TIAM2: variants seen among roughly 807,000 people sequenced by gnomAD.
The protein encoded by TIAM2 is rho guanine nucleotide exchange factor TIAM2.
In TIAM2, 80 loss-of-function variants were observed where a neutral mutation model predicts 152.9. The observed-to-expected ratio is 0.52, with a 90% CI of 0.44 to 0.63. The LOEUF (loss-of-function observed/expected upper bound fraction) is 0.63, where lower values mean the gene tolerates loss of function less well. Ranked by LOEUF, TIAM2 falls within the 30% of genes least tolerant of loss-of-function variation. The probability of loss-of-function intolerance (pLI) is 0.00; values close to 1 mark genes in which losing one functional copy is unlikely to be tolerated. For synonymous variants in TIAM2, 804 were observed against 838.0 expected, an observed-to-expected ratio of 0.96 and a Z score of 0.70; for missense variants, 1,965 against 2,120.1, an observed-to-expected ratio of 0.93 and a Z score of 1.44.
At chr6:155,036,336 C>T (rs936038188) in intron 1 of TIAM2, among the ~76,000 whole-genome samples, 4 of 151,570 alleles carry the variant, frequency 2.6e-5, no homozygotes, top group African/African-American at 7.3e-5. Context: ...AATTTGAGAC[C>T]AGCCTGGGCA....
At chr6:155,121,734 A>C (rs1004181752) in intron 2 of TIAM2, among the ~76,000 whole-genome samples, 2 of 152,132 alleles carry the variant, frequency 1.3e-5, no homozygotes, top group Non-Finnish European at 2.9e-5. Context: ...ATCTCTCTGG[A>C]GCGACGTGAA....
intron 7 of TIAM2, among the ~76,000 whole-genome samples, chr6:155,158,532 T>C (rs1363109483): frequency 2.0e-5 from 3 of 152,210 alleles, no homozygotes; most frequent in Non-Finnish European, 4.4e-5. Context: ...AAACAAAAGC[T>C]CAATCTATAT....
intron 1 of TIAM2, among the ~76,000 whole-genome samples, chr6:155,008,308 G>A (rs775274737): frequency 6.6e-6 from 1 of 152,194 alleles, no homozygotes; most frequent in Non-Finnish European, 1.5e-5. Context: ...TACAGTTAGT[G>A]GTTAGTCCGG....
At chr6:155,059,842 CAA>C (rs1331114585) in intron 1 of TIAM2, among the ~76,000 whole-genome samples, 1 of 152,070 alleles carries the variant, frequency 6.6e-6, no homozygotes, top group African/African-American at 2.4e-5. Flanking sequence ...TCATTAGAAG[CAA>C]GTTACCAAGT....
intron 7 of TIAM2, among the ~76,000 whole-genome samples, chr6:155,157,503 C>T (rs1037475006): frequency 6.6e-6 from 1 of 151,168 alleles, no homozygotes; most frequent in Non-Finnish European, 1.5e-5. Context: ...GACGAGGTCT[C>T]GCTATGTTGC....
At chr6:155,036,861 G>A (rs190466212) in intron 1 of TIAM2, among the ~76,000 whole-genome samples, 2,075 of 151,952 alleles carry the variant, frequency 0.014, 57 homozygotes, top group African/African-American at 0.048. Flanking sequence ...CAGGTGATCC[G>A]CCTGCCTTGG....
At chr6:155,172,668 ATATATATATATATATATATTTTTTT>A (rs1780632818) in intron 9 of TIAM2, among the ~76,000 whole-genome samples, 5 of 10,874 alleles carry the variant, frequency 4.6e-4, no homozygotes, top group African/African-American at 9.8e-4. Context: ...ATATATATAT[ATATATATATATATATATATTTTTTT>A]TTTTTTTTTT....
At chr6:155,021,731 A>G (rs188281949) in intron 1 of TIAM2, among the ~76,000 whole-genome samples, 61 of 152,230 alleles carry the variant, frequency 4.0e-4, no homozygotes, top group African/African-American at 1.4e-3. Context: ...AGATAAGGAA[A>G]CTTCATTCCA....
chr6:155,256,134 T>TGAAA (rs1415676112), intron 26 of TIAM2: 1 of 419,674 alleles, frequency 2.4e-6, no homozygotes, highest in East Asian at 4.7e-5. Context: ...AGCACCTTAG[T>TGAAA]GAAAGAAAGG....
intron 1 of TIAM2, among the ~76,000 whole-genome samples, chr6:155,023,260 C>T (rs1776534855): frequency 6.6e-6 from 1 of 152,140 alleles, no homozygotes; most frequent in African/African-American, 2.4e-5. Context: ...TACCTGGCAC[C>T]TGGCTCCCTT....
chr6:155,249,670 G>A (rs1260892746), intron 20 of TIAM2, among the ~76,000 whole-genome samples, 181 bp from the exon 21 acceptor site: 1 of 152,174 alleles, frequency 6.6e-6, no homozygotes, highest in Non-Finnish European at 1.5e-5. Flanking sequence ...TAATTTTGCT[G>A]TTCTTCATTC....
At chr6:155,061,026 A>G (rs9480035) in intron 1 of TIAM2, among the ~76,000 whole-genome samples, 1 of 151,996 alleles carries the variant, frequency 6.6e-6, no homozygotes, top group Non-Finnish European at 1.5e-5. Flanking sequence ...AGAATCAGCC[A>G]TTTCTCCAAG....
At chr6:155,007,734 T>A (rs902492859) in intron 1 of TIAM2, among the ~76,000 whole-genome samples, 39 of 152,200 alleles carry the variant, frequency 2.6e-4, no homozygotes, top group African/African-American at 9.4e-4. Flanking sequence ...AATTGGAATT[T>A]TAAAATGACC....
At chr6:155,027,214 C>T (rs866283784) in intron 1 of TIAM2, among the ~76,000 whole-genome samples, 32 of 151,300 alleles carry the variant, frequency 2.1e-4, no homozygotes, top group Non-Finnish European at 1.9e-4. Context: ...TTAATAGAGA[C>T]GGGGTTTCAC....
Position 155,154,981 on chromosome 6 carries a change from T to G in TIAM2, c.2028+6647T>G, listed in dbSNP as rs560810863. Among the ~76,000 whole-genome samples the G allele has an allele frequency of 1.3e-3, 191 of 152,304 alleles. 1 individual carries two copies. The highest frequency in any genetic ancestry group is 2.0e-3 in the Non-Finnish European group (134 of 68,022). ...GGATACTGTGGTGTATTTCTGGATG[T>G]GTACAGGGGGAAGCAGTTTGAGGAA... On this transcript the variant is annotated intron_variant, in intron 7 of 26. Transcript: ENST00000682666.
intron 19 of TIAM2, among the ~76,000 whole-genome samples, chr6:155,247,679 A>C (rs1019083760): frequency 2.0e-5 from 3 of 152,210 alleles, no homozygotes; most frequent in African/African-American, 7.2e-5. Flanking sequence ...TAGGCCACCT[A>C]TAACAATATT....
At chr6:155,151,216 G>A (rs1779950794) in intron 7 of TIAM2, among the ~76,000 whole-genome samples, 1 of 152,182 alleles carries the variant, frequency 6.6e-6, no homozygotes, top group Admixed American at 6.5e-5. Flanking sequence ...AGAGCAGGTC[G>A]AGCTGCCTGA....
At position 155,029,409 on chromosome 6, in the gene TIAM2, A is replaced by T. The variant is rs1440855771; in HGVS notation, c.-209+33917A>T. On this transcript the variant is annotated intron_variant, in intron 1 of 26. Coordinates refer to ENST00000682666, the MANE Select transcript of TIAM2 (RefSeq NM_012454.4). ...GTTATATATATACTATAGTATATATAATATATACTATATATACTATAGTAT... is the reference window on the plus strand; with the variant it reads ...GTTATATATATACTATAGTATATATTATATATACTATATATACTATAGTAT... Among the ~76,000 whole-genome samples, 3 of 86,196 alleles carry T rather than the reference A, an allele frequency of 3.5e-5. 1 individual carries two copies. Among genetic ancestry groups the T allele is most frequent in the Non-Finnish European group, 6.3e-5 (3 of 47,280 alleles). The allele number at this position is 86,196 out of a possible 152,430, so 56.5% of individuals were successfully genotyped here.
chr6:155,169,317 A>G (rs1255230121), intron 9 of TIAM2, among the ~76,000 whole-genome samples: 1 of 152,180 alleles, frequency 6.6e-6, no homozygotes, highest in Non-Finnish European at 1.5e-5. Flanking sequence ...TAAGCGAGGA[A>G]TGCTGGTTCA....
Sources: allele counts gnomAD v4.1 joint callset (sites outside exome capture counted in the v4.1 genomes callset), GRCh38; gene constraint gnomAD v4.1.1; transcripts MANE v1.5; gene names NCBI Gene and HGNC (gene_info 2026-07-23, HGNC 2026-07-21).